BMPR1B: variants seen among roughly 807,000 people sequenced by gnomAD.
BMPR1B encodes the protein bone morphogenetic protein receptor type 1B.
A neutral mutation model predicts 59.1 loss-of-function variants in BMPR1B; 12 were observed. The observed-to-expected ratio is 0.20, with a 90% CI of 0.13 to 0.33. BMPR1B has a LOEUF of 0.33. Among genes scored for constraint, BMPR1B ranks in the 10% least tolerant of loss-of-function variants. The pLI is 1.00. For synonymous variants in BMPR1B, 237 were observed against 207.3 expected, an observed-to-expected ratio of 1.14 and a Z score of -1.23; for missense variants, 550 against 610.9, an observed-to-expected ratio of 0.90 and a Z score of 1.05.
intron 2 of BMPR1B, among the ~76,000 whole-genome samples, chr4:94,945,062 A>AT (rs2149047927): frequency 6.6e-6 from 1 of 152,338 alleles, no homozygotes; most frequent in South Asian, 2.1e-4. Context: ...CATAGGCCCC[A>AT]TGTATGGAAC....
chr4:95,063,389 T>C (rs969004831), intron 3 of BMPR1B, among the ~76,000 whole-genome samples: 2 of 152,192 alleles, frequency 1.3e-5, no homozygotes, highest in African/African-American at 4.8e-5. Context: ...TTTTTTTAGC[T>C]ATAGTGATTA....
In BMPR1B at chr4:94,767,304, A is replaced by G. The variant is rs1169309056; in HGVS notation, c.-183+9236A>G. Among the ~76,000 whole-genome samples, 4 of 152,342 alleles carry G rather than the reference A, an allele frequency of 2.6e-5. No individual in the cohort carries two copies. In the East Asian group the frequency reaches 7.7e-4, roughly 29 times the overall value. On this transcript the variant is annotated intron_variant, in intron 1 of 12. Transcript: ENST00000515059. ...GTTTGAGGTAGGATTCTAATGATGT[A>G]CTAATATGTAGGAACAAACATTGTC...
At chr4:94,849,871 C>T (rs868391779) in intron 1 of BMPR1B, among the ~76,000 whole-genome samples, 5 of 151,536 alleles carry the variant, frequency 3.3e-5, no homozygotes, top group Non-Finnish European at 7.4e-5. Flanking sequence ...AGAGAAGGTG[C>T]GCTTAGAAAC....
chr4:95,048,143 C>A (rs1726179066), intron 3 of BMPR1B, among the ~76,000 whole-genome samples: 2 of 152,132 alleles, frequency 1.3e-5, no homozygotes, highest in Admixed American at 6.5e-5. Context: ...TTTTATTACA[C>A]TGTAGTATTC....
intron 2 of BMPR1B, among the ~76,000 whole-genome samples, chr4:94,913,809 C>G (rs769109889): frequency 6.6e-6 from 1 of 152,098 alleles, no homozygotes; most frequent in Non-Finnish European, 1.5e-5. Context: ...GTGTGTCTAT[C>G]TGTACTGTTC....
At chr4:95,003,136 A>C (rs915408515) in intron 3 of BMPR1B, among the ~76,000 whole-genome samples, 1 of 152,172 alleles carries the variant, frequency 6.6e-6, no homozygotes, top group Non-Finnish European at 1.5e-5. Context: ...AAAGCTAACC[A>C]ATATTTTCTC....
At chr4:94,890,752 A>G (rs533395514) in intron 2 of BMPR1B, among the ~76,000 whole-genome samples, 1 of 152,114 alleles carries the variant, frequency 6.6e-6, no homozygotes, top group East Asian at 1.9e-4. Flanking sequence ...GAGACAGTGC[A>G]TGCTCTCTGG....
intron 1 of BMPR1B, among the ~76,000 whole-genome samples, chr4:94,841,358 A>T (rs1330771529): frequency 7.4e-5 from 11 of 149,324 alleles, no homozygotes; most frequent in African/African-American, 2.5e-4. Flanking sequence ...CCCCTCCCCC[A>T]GCCTCGCTGC....
chr4:94,884,028 G>A (rs1727078157), intron 2 of BMPR1B, among the ~76,000 whole-genome samples: 2 of 152,108 alleles, frequency 1.3e-5, no homozygotes, highest in South Asian at 2.1e-4. Context: ...TTAAACTACT[G>A]TATAACTTAC....
chr4:95,108,366 C>T (rs1273058034), intron 4 of BMPR1B, among the ~76,000 whole-genome samples: 3 of 152,066 alleles, frequency 2.0e-5, no homozygotes, highest in African/African-American at 7.2e-5. Flanking sequence ...TCTAAATTGT[C>T]TGGCTTGAGG....
chr4:95,035,589 T>C (rs1033544049), intron 3 of BMPR1B, among the ~76,000 whole-genome samples: 9 of 152,316 alleles, frequency 5.9e-5, no homozygotes, highest in Middle Eastern at 3.4e-3. Flanking sequence ...CAGTTGGCTT[T>C]AAATATTTGG....
intron 3 of BMPR1B, among the ~76,000 whole-genome samples, chr4:95,099,250 G>C (rs1431971765): frequency 6.6e-6 from 1 of 152,096 alleles, no homozygotes; most frequent in Non-Finnish European, 1.5e-5. Context: ...TTCTCTTTTG[G>C]TGTCCCATTC....
At chr4:95,053,281 T>TTTGTGTGTGTGTGTGTGTGTGTGTGTG (rs947790944) in intron 3 of BMPR1B, among the ~76,000 whole-genome samples, 4 of 134,252 alleles carry the variant, frequency 3.0e-5, no homozygotes, top group African/African-American at 1.1e-4. Flanking sequence ...TGCAGGGCAC[T>TTTGTGTGTGTGTGTGTGTGTGTGTGTG]TGTGTGTGTG....
intron 3 of BMPR1B, among the ~76,000 whole-genome samples, chr4:95,011,035 G>T (rs1230909525): frequency 6.6e-6 from 1 of 151,988 alleles, no homozygotes; most frequent in Admixed American, 6.6e-5. Flanking sequence ...TATGTCAGTT[G>T]CTTTTTAATC....
At chr4:94,995,231 T>C (rs1721984930) in intron 2 of BMPR1B, among the ~76,000 whole-genome samples, 1 of 152,198 alleles carries the variant, frequency 6.6e-6, no homozygotes, top group Non-Finnish European at 1.5e-5. Flanking sequence ...TTTAAGTTGT[T>C]ATAAATATAG....
chr4:94,815,801 G>A (rs1034151150), intron 1 of BMPR1B, among the ~76,000 whole-genome samples: 2 of 152,166 alleles, frequency 1.3e-5, no homozygotes, highest in Non-Finnish European at 1.5e-5. Context: ...AAATGGCATA[G>A]CGTCTGACAT....
chr4:94,828,474 C>T (rs1012388300), intron 1 of BMPR1B, among the ~76,000 whole-genome samples: 2 of 152,012 alleles, frequency 1.3e-5, no homozygotes, highest in Non-Finnish European at 1.5e-5. Flanking sequence ...TGTTAATTAC[C>T]GCTCTTTGAT....
At chr4:95,104,788 C>T (rs1231140497) in intron 4 of BMPR1B, among the ~76,000 whole-genome samples, 1 of 152,096 alleles carries the variant, frequency 6.6e-6, no homozygotes, top group African/African-American at 2.4e-5. Flanking sequence ...AGCTCACATA[C>T]ACATGAACAC....
intron 1 of BMPR1B, among the ~76,000 whole-genome samples, chr4:94,790,732 CTT>C (rs565142553): frequency 6.3e-4 from 96 of 152,240 alleles, no homozygotes; most frequent in Non-Finnish European, 1.3e-3. Flanking sequence ...AAAAGAAAAA[CTT>C]TATTTTTTAG....
Sources: allele counts gnomAD v4.1 joint callset (sites outside exome capture counted in the v4.1 genomes callset), GRCh38; gene constraint gnomAD v4.1.1; transcripts MANE v1.5; gene names NCBI Gene and HGNC (gene_info 2026-07-23, HGNC 2026-07-21).